The following PKN2 variants were observed in gnomAD, a reference collection of about 807,000 sequenced individuals.
The protein encoded by PKN2 is protein kinase N2.
A neutral mutation model predicts 119.1 loss-of-function variants in PKN2; 38 were observed. That is an observed-to-expected ratio of 0.32 (90% CI 0.25 to 0.42). The LOEUF is 0.42. Ranked by LOEUF, PKN2 falls within the 10% of genes least tolerant of loss-of-function variation. The probability of loss-of-function intolerance (pLI) is 1.00; values close to 1 mark genes in which losing one functional copy is unlikely to be tolerated. For missense variants in PKN2, 850 were observed against 1,165.1 expected, an observed-to-expected ratio of 0.73 and a Z score of 3.94; for synonymous variants, 390 against 384.9, an observed-to-expected ratio of 1.01 and a Z score of -0.15.
rs531600574 is a variant in PKN2 at position 88,777,314 on chromosome 1, T to A, written c.985+5435T>A. ...TTGTAGACACATCACTTTTCTTGTT[T>A]CCCCTAGATATTTGTCCATGGTTTC... On this transcript the variant is annotated intron_variant, in intron 6 of 21. Coordinates refer to ENST00000370521, the MANE Select transcript of PKN2 (RefSeq NM_006256.4). Among the ~76,000 whole-genome samples, 8 of 152,292 alleles carry A rather than the reference T, an allele frequency of 5.3e-5. No homozygotes were observed. In the South Asian group the frequency reaches 1.7e-3, roughly 32 times the overall value.
chr1:88,765,082 A>G (rs1669607058), intron 3 of PKN2, among the ~76,000 whole-genome samples: 1 of 148,250 alleles, frequency 6.7e-6, no homozygotes, highest in South Asian at 2.1e-4. Context: ...GCACACCACT[A>G]TGCCTGGCTA....
At chr1:88,751,075 G>T (rs574494445) in intron 2 of PKN2, among the ~76,000 whole-genome samples, 24 of 152,160 alleles carry the variant, frequency 1.6e-4, no homozygotes, top group Admixed American at 1.1e-3. Context: ...AAATGGTCTG[G>T]CATCTGCCTC....
chr1:88,705,155 T>C (rs932450725), intron 1 of PKN2, among the ~76,000 whole-genome samples: 2 of 151,990 alleles, frequency 1.3e-5, no homozygotes, highest in Admixed American at 6.6e-5. Flanking sequence ...AAACAGTATC[T>C]TTCCAGGAGC....
intron 6 of PKN2, among the ~76,000 whole-genome samples, chr1:88,772,801 A>C (rs1300452565): frequency 1.3e-5 from 2 of 152,190 alleles, no homozygotes; most frequent in African/African-American, 4.8e-5. Context: ...GTAATGTATA[A>C]AGTGGGTTTC....
At chr1:88,684,846 T>C (rs1467407261) in intron 1 of PKN2, 1 of 495,232 alleles carries the variant, frequency 2.0e-6, no homozygotes, top group African/African-American at 2.0e-5. Flanking sequence ...GCCACCGCTT[T>C]GGTTTGATTC....
intron 19 of PKN2, 84 bp downstream of exon 19, chr1:88,828,707 GTCTT>G: frequency 6.2e-6 from 7 of 1,136,076 alleles, no homozygotes; most frequent in African/African-American, 1.6e-5. Context: ...ACCTAATACT[GTCTT>G]CAGTATGAGT....
At chr1:88,824,595 A>G (rs560085406) in intron 18 of PKN2, among the ~76,000 whole-genome samples, 42 of 152,236 alleles carry the variant, frequency 2.8e-4, no homozygotes, top group Non-Finnish European at 5.4e-4. Flanking sequence ...TTAGATGTAT[A>G]GAAATCATAG....
At chr1:88,686,147 A>G (rs1389830543) in intron 1 of PKN2, among the ~76,000 whole-genome samples, 2 of 152,166 alleles carry the variant, frequency 1.3e-5, no homozygotes, top group African/African-American at 2.4e-5. Flanking sequence ...AATAATTTAC[A>G]TGAGCTTTTA....
At chr1:88,689,195 C>T (rs1182452602) in intron 1 of PKN2, among the ~76,000 whole-genome samples, 1 of 152,096 alleles carries the variant, frequency 6.6e-6, no homozygotes, top group Non-Finnish European at 1.5e-5. Context: ...ATGTAATGCA[C>T]ATGTATTACA....
chr1:88,764,472 A>G (rs778306491), intron 3 of PKN2, among the ~76,000 whole-genome samples: 31 of 152,222 alleles, frequency 2.0e-4, no homozygotes, highest in Admixed American at 2.6e-4. Context: ...AATTTCATGC[A>G]GGCAGAGACA....
intron 2 of PKN2, among the ~76,000 whole-genome samples, chr1:88,755,301 A>C (rs1669153817): frequency 6.6e-6 from 1 of 152,194 alleles, no homozygotes; most frequent in African/African-American, 2.4e-5. Context: ...TGGAGAGAAG[A>C]AAAGCAGTGT....
chr1:88,716,467 C>T (rs1369597756), intron 1 of PKN2, among the ~76,000 whole-genome samples: 1 of 152,186 alleles, frequency 6.6e-6, no homozygotes, highest in Non-Finnish European at 1.5e-5. Flanking sequence ...CTTTATGAAT[C>T]TGGGTGCTCC....
intron 19 of PKN2, among the ~76,000 whole-genome samples, chr1:88,829,757 A>G (rs1217808308): frequency 6.6e-6 from 1 of 152,216 alleles, no homozygotes; most frequent in Admixed American, 6.5e-5. Context: ...ATTATTCTGC[A>G]GTTTCCCCAT....
intron 1 of PKN2, among the ~76,000 whole-genome samples, chr1:88,710,513 A>G (rs1337309282): frequency 2.0e-5 from 3 of 152,266 alleles, no homozygotes. Flanking sequence ...ACACAATTTA[A>G]GGATTTGCCA....
rs111280781 is a variant in PKN2 at position 88,745,058 on chromosome 1, A to G, written c.349+3770A>G. Reference sequence around the variant, plus strand: ...CAGAAAAAGCATTTAAGAAAATTCAACATTTTTTCGTGATAAAAATTCTAT... The same window carrying G: ...CAGAAAAAGCATTTAAGAAAATTCAGCATTTTTTCGTGATAAAAATTCTAT... On this transcript the variant is annotated intron_variant, in intron 2 of 21. Coordinates refer to ENST00000370521, the MANE Select transcript of PKN2 (RefSeq NM_006256.4). 1.0e-2 allele frequency among the ~76,000 whole-genome samples: 1,523 copies of G among 152,332 alleles called. 22 individuals carry two copies. The highest frequency in any genetic ancestry group is 0.035 in the African/African-American group (1,438 of 41,572).
At chr1:88,720,945 A>C (rs1667652391) in intron 1 of PKN2, among the ~76,000 whole-genome samples, 1 of 152,210 alleles carries the variant, frequency 6.6e-6, no homozygotes, top group African/African-American at 2.4e-5. Flanking sequence ...GGCTGCTTGC[A>C]AATGCCATTA....
intron 1 of PKN2, among the ~76,000 whole-genome samples, chr1:88,739,197 G>A (rs1668478048): frequency 6.6e-6 from 1 of 151,990 alleles, no homozygotes; most frequent in Non-Finnish European, 1.5e-5. Flanking sequence ...AAACAGGCTG[G>A]GCACGTGTTT....
chr1:88,804,964 TAAAC>T (rs745755576), intron 10 of PKN2, 43 bp downstream of exon 10: 53 of 924,266 alleles, frequency 5.7e-5, no homozygotes, highest in South Asian at 5.9e-5. Context: ...GATATTTTCT[TAAAC>T]AATCTAATTA....
intron 6 of PKN2, among the ~76,000 whole-genome samples, chr1:88,782,050 A>G (rs929299948): frequency 6.6e-6 from 1 of 152,118 alleles, no homozygotes; most frequent in East Asian, 1.9e-4. Context: ...GTAAATGTAT[A>G]TGCCTATTTC....
Sources: allele counts gnomAD v4.1 joint callset (sites outside exome capture counted in the v4.1 genomes callset), GRCh38; gene constraint gnomAD v4.1.1; transcripts MANE v1.5; gene names NCBI Gene and HGNC (gene_info 2026-07-23, HGNC 2026-07-21).